PTPRT: variants seen among roughly 807,000 people sequenced by gnomAD.
PTPRT encodes protein tyrosine phosphatase receptor type T.
In PTPRT, 56 loss-of-function variants were observed where a neutral mutation model predicts 176.8. That is an observed-to-expected ratio of 0.32 (90% CI 0.26 to 0.40). PTPRT has a LOEUF of 0.40. Among genes scored for constraint, PTPRT ranks in the 10% least tolerant of loss-of-function variants. PTPRT has a pLI of 1.00. For missense variants in PTPRT, 1,540 were observed against 1,908.2 expected (o/e 0.81, Z 3.60); for synonymous variants, 783 against 739.0 (o/e 1.06, Z -0.96).
At chr20:42,727,813 G>A (rs922036130) in intron 6 of PTPRT, among the ~76,000 whole-genome samples, 1 of 152,072 alleles carries the variant, frequency 6.6e-6, no homozygotes, top group Non-Finnish European at 1.5e-5. Flanking sequence ...TGGTCTCCAG[G>A]TACAAGTCCA....
At chr20:42,542,421 A>T (rs938390668) in intron 7 of PTPRT, among the ~76,000 whole-genome samples, 9 of 152,314 alleles carry the variant, frequency 5.9e-5, no homozygotes, top group Admixed American at 2.6e-4. Flanking sequence ...ATGACTCATA[A>T]ACATTTGAAA....
intron 7 of PTPRT, among the ~76,000 whole-genome samples, chr20:42,621,820 C>T (rs180989433): frequency 3.9e-4 from 60 of 152,284 alleles, no homozygotes; most frequent in Non-Finnish European, 7.2e-4. Context: ...CCACATTCCT[C>T]TCTAATATTA....
chr20:43,161,908 T>A (rs1043525845), intron 1 of PTPRT, among the ~76,000 whole-genome samples: 1 of 152,126 alleles, frequency 6.6e-6, no homozygotes, highest in Non-Finnish European at 1.5e-5. Flanking sequence ...AATGACCTAC[T>A]TGGGATTAGA....
intron 21 of PTPRT, among the ~76,000 whole-genome samples, chr20:42,116,314 C>T (rs545509747): frequency 5.3e-5 from 8 of 152,236 alleles, no homozygotes; most frequent in Admixed American, 4.6e-4. Flanking sequence ...CGTATTTAAC[C>T]GTGGAACCCT....
intron 1 of PTPRT, among the ~76,000 whole-genome samples, chr20:43,113,341 C>A (rs549423315): frequency 2.0e-5 from 3 of 152,320 alleles, no homozygotes; most frequent in African/African-American, 7.2e-5. Context: ...ATCTAATTAG[C>A]CGCAATCTGA....
intron 1 of PTPRT, among the ~76,000 whole-genome samples, chr20:43,178,196 G>A (rs2015164441): frequency 6.6e-6 from 1 of 152,168 alleles, no homozygotes; most frequent in Non-Finnish European, 1.5e-5. Context: ...AACTGCAACT[G>A]AAGTGTTAGA....
intron 11 of PTPRT, among the ~76,000 whole-genome samples, chr20:42,320,247 T>C (rs938941191): frequency 2.0e-5 from 3 of 152,172 alleles, no homozygotes; most frequent in Non-Finnish European, 2.9e-5. Flanking sequence ...AACCTCTCCA[T>C]AGGCTTTGGA....
Position 43,050,095 on chromosome 20 carries a change from A to G in PTPRT, c.88+139551T>C, listed in dbSNP as rs553197491. On this transcript the variant is annotated intron_variant, in intron 1 of 30. Transcript: ENST00000373187. ...GGGTGGCTGACCACAAGCATCCTCA[A>G]CATGGTCTCTGAGCTCCAGGGCACC... is the stretch of plus-strand genomic sequence containing the variant. Among the ~76,000 whole-genome samples the G allele has an allele frequency of 1.4e-4, 21 of 152,382 alleles. No homozygotes were observed. The South Asian group carries it at 3.1e-3, about 23-fold the overall frequency.
intron 9 of PTPRT, among the ~76,000 whole-genome samples, chr20:42,417,754 T>C (rs548799615): frequency 6.6e-6 from 1 of 151,698 alleles, no homozygotes; most frequent in African/African-American, 2.4e-5. Context: ...ATTCATTTTT[T>C]AGAGTCAAAG....
rs538345555 is a variant in PTPRT, at chr20:42,922,156, A to C, written c.89-36224T>G. On this transcript the variant is annotated intron_variant, in intron 1 of 30. Transcript: ENST00000373187. The stretch of plus-strand genomic sequence containing the variant: ...TCGCTATATTGGCCAGGCTGATCTC[A>C]AACTCCTGACCTCGTGATCCACCCA... 1.5e-3 allele frequency among the ~76,000 whole-genome samples: 234 copies of C among 152,232 alleles called. 4 individuals are homozygous for C. The South Asian group carries it at 0.049, about 32-fold the overall frequency.
chr20:42,680,408 T>G (rs1381206801), intron 6 of PTPRT, among the ~76,000 whole-genome samples: 1 of 152,170 alleles, frequency 6.6e-6, no homozygotes, highest in African/African-American at 2.4e-5. Flanking sequence ...TGCAAATTGA[T>G]TTTTGGATAA....
intron 7 of PTPRT, among the ~76,000 whole-genome samples, chr20:42,612,812 T>C (rs771339308): frequency 3.3e-5 from 5 of 151,122 alleles, no homozygotes; most frequent in African/African-American, 4.9e-5. Context: ...AGACAATCGA[T>C]TAAATAAATT....
chr20:42,142,628 G>T (rs571738929), intron 17 of PTPRT, among the ~76,000 whole-genome samples: 1 of 152,140 alleles, frequency 6.6e-6, no homozygotes, highest in African/African-American at 2.4e-5. Flanking sequence ...GGATATTACC[G>T]AACCCTATAC....
intron 1 of PTPRT, among the ~76,000 whole-genome samples, chr20:42,982,465 A>T (rs1453251070): frequency 6.6e-6 from 1 of 152,204 alleles, no homozygotes; most frequent in African/African-American, 2.4e-5. Flanking sequence ...GCAAGGAGGG[A>T]AGGGAAGGCC....
At chr20:43,140,081 T>C (rs2013954363) in intron 1 of PTPRT, among the ~76,000 whole-genome samples, 1 of 152,212 alleles carries the variant, frequency 6.6e-6, no homozygotes, top group African/African-American at 2.4e-5. Flanking sequence ...ATCAGTTTCT[T>C]GCATTTCCTC....
chr20:42,950,950 A>G (rs1488520816), intron 1 of PTPRT, among the ~76,000 whole-genome samples: 1 of 152,242 alleles, frequency 6.6e-6, no homozygotes, highest in Non-Finnish European at 1.5e-5. Flanking sequence ...GTCTGCTTCA[A>G]TCAAGATTCA....
intron 13 of PTPRT, among the ~76,000 whole-genome samples, chr20:42,251,961 G>C (rs1245174162): frequency 1.3e-5 from 2 of 152,190 alleles, no homozygotes; most frequent in African/African-American, 4.8e-5. Flanking sequence ...TGGAACCAAA[G>C]TGGATTGGTG....
intron 16 of PTPRT, among the ~76,000 whole-genome samples, chr20:42,190,357 G>T (rs1297735032): frequency 6.6e-6 from 1 of 152,146 alleles, no homozygotes; most frequent in Non-Finnish European, 1.5e-5. Context: ...CAAAGATACG[G>T]TTGAGATTCC....
intron 1 of PTPRT, among the ~76,000 whole-genome samples, chr20:43,144,549 T>G (rs533630408): frequency 6.6e-5 from 10 of 152,198 alleles, no homozygotes; most frequent in Non-Finnish European, 1.0e-4. Context: ...TTACCCACTC[T>G]ATCCATTTTC....
Sources: gnomAD v4.1 joint callset for allele counts (sites outside exome capture counted in the v4.1 genomes callset) on GRCh38, gnomAD v4.1.1 for gene constraint, MANE v1.5 for transcripts, NCBI Gene and HGNC (gene_info 2026-07-23, HGNC 2026-07-21) for gene names.